TCEA3: variants seen among roughly 807,000 people sequenced by gnomAD.
The protein encoded by TCEA3 is transcription elongation factor A protein 3.
TCEA3 carries 36 observed loss-of-function variants against 44.0 expected under a neutral mutation model. That is an observed-to-expected ratio of 0.82 (90% CI 0.63 to 1.08). TCEA3 has a LOEUF of 1.08. Among genes scored for constraint, TCEA3 ranks in the 50% least tolerant of loss-of-function variants. TCEA3 has a pLI of 0.00. For missense variants in TCEA3, 392 were observed against 441.2 expected (o/e 0.89, Z 1.00); for synonymous variants, 162 against 159.7 (o/e 1.01, Z -0.11).
intron 2 of TCEA3, chr1:23,418,290 GGAC>G: frequency 2.4e-6 from 1 of 410,300 alleles, no homozygotes; most frequent in Non-Finnish European, 4.5e-6. Context: ...CTGACTGTCA[GGAC>G]CCCTCCCATT....
chr1:23,399,757 C>T (rs1639344529), intron 5 of TCEA3, among the ~76,000 whole-genome samples: 2 of 151,024 alleles, frequency 1.3e-5, no homozygotes, highest in African/African-American at 4.9e-5. Flanking sequence ...CTCACTGTAA[C>T]CTCCACCTCC....
intron 7 of TCEA3, among the ~76,000 whole-genome samples, chr1:23,394,452 G>A (rs913354655): frequency 3.3e-5 from 5 of 152,166 alleles, no homozygotes; most frequent in Non-Finnish European, 7.3e-5. Flanking sequence ...ACATGTATGG[G>A]CTGCTAAGAT....
intron 8 of TCEA3, among the ~76,000 whole-genome samples, chr1:23,388,179 C>G (rs6675595): frequency 0.87 from 132,154 of 151,076 alleles, 58,131 homozygotes; most frequent in Non-Finnish European, 0.92. Context: ...TGACGCGAAT[C>G]TCAAAATGAG....
intron 5 of TCEA3, among the ~76,000 whole-genome samples, chr1:23,399,144 G>GTGTATATATA (rs751608613): frequency 2.5e-3 from 154 of 61,112 alleles, no homozygotes; most frequent in African/African-American, 6.5e-3. Flanking sequence ...ATGTATATAT[G>GTGTATATATA]TATATATATA....
intron 1 of TCEA3, among the ~76,000 whole-genome samples, chr1:23,420,861 T>C (rs1434231602): frequency 1.3e-5 from 2 of 152,178 alleles, no homozygotes; most frequent in Non-Finnish European, 2.9e-5. Flanking sequence ...AGCCTTCTCC[T>C]TTCCCCCAGC....
At chr1:23,398,874 C>T (rs1349761826) in intron 5 of TCEA3, among the ~76,000 whole-genome samples, 1 of 151,824 alleles carries the variant, frequency 6.6e-6, no homozygotes, top group Non-Finnish European at 1.5e-5. Flanking sequence ...CTCAGGCAAT[C>T]CTCCCACCTT....
chr1:23,417,441 A>T, intron 3 of TCEA3, 51 bp from the exon 4 acceptor site: 4 of 1,586,572 alleles, frequency 2.5e-6, no homozygotes, highest in Non-Finnish European at 2.6e-6. Context: ...GTCTCAGCAG[A>T]ACCCAGCATG....
intron 9 of TCEA3, among the ~76,000 whole-genome samples, chr1:23,385,416 C>G (rs1570220515): frequency 6.6e-6 from 1 of 152,208 alleles, no homozygotes; most frequent in East Asian, 1.9e-4. Flanking sequence ...CAGTTTACTT[C>G]TAGAAAGAAG....
At chr1:23,388,889 A>G (rs1054743336) in intron 8 of TCEA3, among the ~76,000 whole-genome samples, 7 of 152,040 alleles carry the variant, frequency 4.6e-5, no homozygotes, top group Non-Finnish European at 1.0e-4. Context: ...GGGTTTTCCC[A>G]TGTTGCCTAG....
intron 3 of TCEA3, 70 bp from the exon 4 acceptor site, chr1:23,417,460 G>T: frequency 6.5e-7 from 1 of 1,548,346 alleles, no homozygotes; most frequent in Non-Finnish European, 8.7e-7. Context: ...TGACTTAGTG[G>T]GGAGAGAGCA....
intron 5 of TCEA3, among the ~76,000 whole-genome samples, chr1:23,408,065 G>A (rs547347843): frequency 2.0e-5 from 3 of 152,156 alleles, no homozygotes; most frequent in Middle Eastern, 3.4e-3. Context: ...GGGTTCAAGC[G>A]ATTCTCCTGC....
intron 5 of TCEA3, among the ~76,000 whole-genome samples, chr1:23,408,087 G>C (rs560753852): frequency 6.6e-6 from 1 of 151,998 alleles, no homozygotes; most frequent in African/African-American, 2.4e-5. Context: ...TCAGCCTCCC[G>C]AGTAGCTGGG....
At chr1:23,419,719 C>T (rs1640002088) in intron 1 of TCEA3, among the ~76,000 whole-genome samples, 1 of 152,058 alleles carries the variant, frequency 6.6e-6, no homozygotes, top group South Asian at 2.1e-4. Context: ...GCCTGTAATC[C>T]CAGTTACTCA....
At chr1:23,405,527 T>C (rs985554898) in intron 5 of TCEA3, among the ~76,000 whole-genome samples, 6 of 151,060 alleles carry the variant, frequency 4.0e-5, no homozygotes, top group Non-Finnish European at 7.4e-5. Context: ...ATCCGGGAGA[T>C]GGAAGTTGCA....
intron 5 of TCEA3, among the ~76,000 whole-genome samples, chr1:23,403,143 C>A (rs1639447799): frequency 6.6e-6 from 1 of 152,256 alleles, no homozygotes; most frequent in South Asian, 2.1e-4. Flanking sequence ...AGCTATGACT[C>A]ACCACAGGAA....
chr1:23,423,160 G>A (rs1193413151), intron 1 of TCEA3, among the ~76,000 whole-genome samples: 1 of 152,202 alleles, frequency 6.6e-6, no homozygotes, highest in Non-Finnish European at 1.5e-5. Context: ...AGTGCATGGA[G>A]GTTGGGAGTG....
chr1:23,383,107 G>C (rs573095113), intron 10 of TCEA3, among the ~76,000 whole-genome samples: 1 of 152,066 alleles, frequency 6.6e-6, no homozygotes, highest in South Asian at 2.1e-4. Context: ...GTGAAACCCC[G>C]TCTCTACTAA....
intron 9 of TCEA3, among the ~76,000 whole-genome samples, 195 bp from the exon 10 acceptor site, chr1:23,384,612 C>G (rs551041367): frequency 1.9e-4 from 29 of 151,782 alleles, no homozygotes; most frequent in Non-Finnish European, 4.4e-5. Context: ...GGCAGTCCAT[C>G]AGCTCACTCC....
chr1:23,419,900 C>T (rs1255082490), intron 1 of TCEA3, among the ~76,000 whole-genome samples: 2 of 152,202 alleles, frequency 1.3e-5, no homozygotes, highest in African/African-American at 2.4e-5. Context: ...TAACTGCACA[C>T]TTTGCAGTGT....
Sources: gnomAD v4.1 joint callset for allele counts (sites outside exome capture counted in the v4.1 genomes callset) on GRCh38, gnomAD v4.1.1 for gene constraint, MANE v1.5 for transcripts, NCBI Gene and HGNC (gene_info 2026-07-23, HGNC 2026-07-21) for gene names.